Variants in FCRL1 observed in about 807,000 individuals in gnomAD.
The protein encoded by FCRL1 is Fc receptor like 1.
A neutral mutation model predicts 49.2 loss-of-function variants in FCRL1; 34 were observed. The observed-to-expected ratio is 0.69, with a 90% CI of 0.53 to 0.92. The LOEUF (loss-of-function observed/expected upper bound fraction) is 0.92, where lower values mean the gene tolerates loss of function less well. Ranked by LOEUF, FCRL1 falls within the 40% of genes least tolerant of loss-of-function variation. The pLI is 0.00. For missense variants in FCRL1, 524 were observed against 524.1 expected (o/e 1.00, Z 0.00); for synonymous variants, 218 against 201.6 (o/e 1.08, Z -0.69).
chr1:157,807,524 C>A (rs776106410), intron 1 of FCRL1, among the ~76,000 whole-genome samples: 1 of 152,174 alleles, frequency 6.6e-6, no homozygotes, highest in Non-Finnish European at 1.5e-5. Flanking sequence ...CCATTCCCAC[C>A]GCCTCCTTTC....
chr1:157,804,252 C>T (rs539937896), intron 2 of FCRL1, 141 bp from the exon 3 acceptor site: 4 of 940,768 alleles, frequency 4.3e-6, no homozygotes, highest in Admixed American at 2.8e-5. Flanking sequence ...CTCCACCCCC[C>T]CCCCAGTGGC....
intron 6 of FCRL1, among the ~76,000 whole-genome samples, chr1:157,800,454 T>A (rs76305365): frequency 3.8e-3 from 576 of 152,306 alleles, no homozygotes; most frequent in African/African-American, 0.013. Flanking sequence ...ATATAGACGG[T>A]GTGAGGTACC....
chr1:157,816,688 A>G (rs1257862956), intron 1 of FCRL1, among the ~76,000 whole-genome samples: 1 of 151,758 alleles, frequency 6.6e-6, no homozygotes, highest in Non-Finnish European at 1.5e-5. Flanking sequence ...ATATATAGAA[A>G]ACTCTAAAGA....
intron 1 of FCRL1, among the ~76,000 whole-genome samples, chr1:157,808,542 G>T (rs1485047424): frequency 6.6e-6 from 1 of 152,216 alleles, no homozygotes; most frequent in Admixed American, 6.5e-5. Flanking sequence ...AGGGGGCAGG[G>T]GTTAGTTATC....
At chr1:157,801,826 C>A (rs368085998) in intron 5 of FCRL1, 89 bp downstream of exon 5, 56 of 1,483,594 alleles carry the variant, frequency 3.8e-5, no homozygotes, top group Non-Finnish European at 4.5e-5. Flanking sequence ...GGGTAGCAAA[C>A]CCCCGGAAGC....
intron 2 of FCRL1, among the ~76,000 whole-genome samples, chr1:157,805,419 C>T (rs530928560): frequency 4.5e-4 from 68 of 152,288 alleles, no homozygotes; most frequent in Non-Finnish European, 6.2e-4. Flanking sequence ...TTCAGCTTTT[C>T]GGCTGAAATG....
rs1651425911 is a variant in FCRL1 at position 157,796,117 on chromosome 1, G to A, written c.1272C>T (p.Asp424=). 3 of 1,613,914 alleles carry A rather than the reference G, an allele frequency of 1.9e-6. No individual in the cohort carries two copies. In the South Asian group the frequency reaches 3.3e-5, roughly 18 times the overall value. Residue 424 remains aspartate (D), a synonymous_variant, in exon 11 of 11, where the codon GAC becomes GAT. Coordinates refer to ENST00000368176, the MANE Select transcript of FCRL1 (RefSeq NM_052938.5). The part of the protein sequence containing the change: ...RLRKANITDV[D]YEDAM ...CATAACCTTACATAGCATCTTCATA[G>A]TCCACATCTGTAATGTTTGCTTTCC... is the stretch of plus-strand genomic sequence containing the variant.
intron 7 of FCRL1, among the ~76,000 whole-genome samples, chr1:157,799,718 C>T (rs532446348): frequency 2.2e-4 from 33 of 151,746 alleles, no homozygotes; most frequent in East Asian, 1.9e-4. Context: ...GTGCAGCACA[C>T]GAACATGGCA....
chr1:157,817,757 A>T (rs1320973707), intron 1 of FCRL1, among the ~76,000 whole-genome samples: 2 of 152,180 alleles, frequency 1.3e-5, no homozygotes, highest in African/African-American at 4.8e-5. Flanking sequence ...AATAGGAAAA[A>T]GTACTTGCAG....
intron 1 of FCRL1, among the ~76,000 whole-genome samples, chr1:157,808,768 A>T (rs1052531468): frequency 1.3e-5 from 2 of 152,232 alleles, no homozygotes; most frequent in Admixed American, 1.3e-4. Flanking sequence ...AGTGGCTAAG[A>T]TTAGACAGTG....
chr1:157,812,477 G>A (rs982106947), intron 1 of FCRL1, among the ~76,000 whole-genome samples: 3 of 152,118 alleles, frequency 2.0e-5, no homozygotes, highest in Non-Finnish European at 4.4e-5. Context: ...GTGTCTCATT[G>A]ACTCTGGGAT....
At position 157,797,092 on chromosome 1, in the gene FCRL1, G is replaced by C. The variant is rs1557888483; in HGVS notation, c.1218+9C>G. 1 of 1,613,260 alleles carries C rather than the reference G, an allele frequency of 6.2e-7. No individual in the cohort carries two copies. Among genetic ancestry groups the C allele is most frequent in the East Asian group, 2.2e-5 (1 of 44,856 alleles). ...AGAACATGGAAGAAAGAACAATAGA[G>C]ACTCTTACCTTGTCCTCCATATGTG... On this transcript the variant is annotated intron_variant, in intron 10 of 10. Transcript: ENST00000368176.
At chr1:157,811,906 A>G (rs1028544589) in intron 1 of FCRL1, among the ~76,000 whole-genome samples, 4 of 152,090 alleles carry the variant, frequency 2.6e-5, no homozygotes, top group African/African-American at 9.7e-5. Context: ...GCTCAGGGGG[A>G]CAGCTGTGAT....
intron 10 of FCRL1, 89 bp downstream of exon 10, chr1:157,797,012 C>A: frequency 7.4e-7 from 1 of 1,357,076 alleles, no homozygotes; most frequent in South Asian, 1.2e-5. Context: ...GATTTTTGCT[C>A]TTTCTAAGTG....
At chr1:157,808,435 C>T (rs901275226) in intron 1 of FCRL1, among the ~76,000 whole-genome samples, 2 of 151,926 alleles carry the variant, frequency 1.3e-5, no homozygotes, top group Non-Finnish European at 2.9e-5. Flanking sequence ...AAAGAGCATC[C>T]CTGGCAGAGA....
intron 6 of FCRL1, 35 bp downstream of exon 6, chr1:157,801,424 TCA>T (rs1652444839): frequency 7.7e-7 from 1 of 1,291,092 alleles, no homozygotes; most frequent in Admixed American, 1.7e-5. Context: ...AAAACAAAGA[TCA>T]CAGTAACAAA....
Position 157,802,022 on chromosome 1 carries a change from G to A in FCRL1, c.779C>T (p.Ala260Val). The A allele has an allele frequency of 6.2e-7, 1 of 1,614,216 alleles. No individual in the cohort carries two copies. Among genetic ancestry groups the A allele is most frequent in the East Asian group, 2.2e-5 (1 of 44,884 alleles). The change falls in exon 5 of 11, where the codon GCC becomes GTC. Residue 260 changes from alanine to valine, a missense_variant. Transcript: ENST00000368176. Reference protein sequence around the residue: ...GSRSAPSGGGASFNLSLTEEH... With the variant: ...GSRSAPSGGGVSFNLSLTEEH... ...TTCAGTCAGGGAAAGGTTGAAGGAGGCTCCTCCTCCAGAGGGGGCCGACCT... is the reference window on the plus strand; with the variant it reads ...TTCAGTCAGGGAAAGGTTGAAGGAGACTCCTCCTCCAGAGGGGGCCGACCT...
At chr1:157,811,558 G>A (rs367700077) in intron 1 of FCRL1, among the ~76,000 whole-genome samples, 11 of 152,324 alleles carry the variant, frequency 7.2e-5, no homozygotes, top group African/African-American at 2.6e-4. Flanking sequence ...CCTAAGTCCA[G>A]TTTTGGAAGC....
intron 1 of FCRL1, among the ~76,000 whole-genome samples, chr1:157,814,598 G>A (rs947097542): frequency 2.6e-5 from 4 of 151,852 alleles, no homozygotes; most frequent in Non-Finnish European, 5.9e-5. Flanking sequence ...CAAAATGGCA[G>A]GAGTTAAGTC....
Sources: allele counts gnomAD v4.1 joint callset (sites outside exome capture counted in the v4.1 genomes callset), GRCh38; gene constraint gnomAD v4.1.1; transcripts MANE v1.5; gene names NCBI Gene and HGNC (gene_info 2026-07-23, HGNC 2026-07-21).